Variants in TRAPPC9 observed in about 807,000 individuals in gnomAD.
The protein encoded by TRAPPC9 is IKK2 binding protein.
TRAPPC9 carries 83 observed loss-of-function variants against 124.0 expected under a neutral mutation model. That is an observed-to-expected ratio of 0.67 (90% CI 0.56 to 0.80). The LOEUF (loss-of-function observed/expected upper bound fraction) is 0.80, where lower values mean the gene tolerates loss of function less well. Ranked by LOEUF, TRAPPC9 falls within the 30% of genes least tolerant of loss-of-function variation. The pLI is 0.00. For synonymous variants in TRAPPC9, 638 were observed against 617.5 expected, an observed-to-expected ratio of 1.03 and a Z score of -0.49; for missense variants, 1,302 against 1,508.3, an observed-to-expected ratio of 0.86 and a Z score of 2.27.
intron 15 of TRAPPC9, among the ~76,000 whole-genome samples, chr8:140,267,474 G>A (rs557522464): frequency 1.5e-4 from 23 of 152,270 alleles, no homozygotes; most frequent in East Asian, 3.9e-4. Context: ...CTCACTATGC[G>A]GCAAGCATTG....
chr8:140,121,516 G>C (rs561772077), intron 17 of TRAPPC9, among the ~76,000 whole-genome samples: 1 of 152,222 alleles, frequency 6.6e-6, no homozygotes, highest in Non-Finnish European at 1.5e-5. Flanking sequence ...TGACCCAGGG[G>C]AGAAGTGGTG....
At chr8:140,083,905 T>C (rs1844015781) in intron 17 of TRAPPC9, among the ~76,000 whole-genome samples, 1 of 152,142 alleles carries the variant, frequency 6.6e-6, no homozygotes, top group Admixed American at 6.5e-5. Flanking sequence ...GACCTCGTGA[T>C]CCGCCCGTCT....
intron 19 of TRAPPC9, among the ~76,000 whole-genome samples, chr8:139,950,499 A>G (rs1220993768): frequency 6.6e-6 from 1 of 152,248 alleles, no homozygotes; most frequent in African/African-American, 2.4e-5. Context: ...GCTGTTGAAC[A>G]GACAGCATTA....
At chr8:140,244,235 C>G (rs961050866) in intron 16 of TRAPPC9, among the ~76,000 whole-genome samples, 3 of 152,210 alleles carry the variant, frequency 2.0e-5, no homozygotes, top group African/African-American at 7.2e-5. Context: ...GCCCCTGGTG[C>G]TGCTGTGTGA....
At chr8:140,348,059 A>G (rs936563322) in intron 9 of TRAPPC9, among the ~76,000 whole-genome samples, 1 of 152,258 alleles carries the variant, frequency 6.6e-6, no homozygotes, top group Admixed American at 6.5e-5. Flanking sequence ...GCATTCACTC[A>G]GATGACAACT....
At chr8:140,334,404 C>T (rs1171187294) in intron 9 of TRAPPC9, among the ~76,000 whole-genome samples, 2 of 151,816 alleles carry the variant, frequency 1.3e-5, no homozygotes, top group Non-Finnish European at 2.9e-5. Context: ...AATCCCAGCA[C>T]TTTGGGAGGC....
At chr8:140,203,353 C>A (rs1163233451) in intron 17 of TRAPPC9, among the ~76,000 whole-genome samples, 1 of 152,116 alleles carries the variant, frequency 6.6e-6, no homozygotes, top group Non-Finnish European at 1.5e-5. Flanking sequence ...TGTGAAATTT[C>A]TCTCCTTTCA....
intron 21 of TRAPPC9, among the ~76,000 whole-genome samples, chr8:139,772,123 C>G (rs370696468): frequency 1.3e-5 from 2 of 152,252 alleles, no homozygotes; most frequent in South Asian, 4.1e-4. Flanking sequence ...ACCTGCTTCT[C>G]ACATCACCTG....
chr8:140,281,800 G>A (rs1288249672), intron 14 of TRAPPC9, among the ~76,000 whole-genome samples: 1 of 152,062 alleles, frequency 6.6e-6, no homozygotes, highest in Non-Finnish European at 1.5e-5. Flanking sequence ...CCGGTTATAC[G>A]TCAGTGTCTC....
intron 9 of TRAPPC9, among the ~76,000 whole-genome samples, chr8:140,341,544 T>G (rs987495411): frequency 6.6e-6 from 1 of 152,206 alleles, no homozygotes; most frequent in African/African-American, 2.4e-5. Context: ...TTCTCTGGAA[T>G]GGATAGCTTC....
At chr8:139,891,101 A>G (rs1830318325) in intron 20 of TRAPPC9, among the ~76,000 whole-genome samples, 1 of 152,188 alleles carries the variant, frequency 6.6e-6, no homozygotes, top group Non-Finnish European at 1.5e-5. Flanking sequence ...TTAAGAACTC[A>G]TTGGCTGGGA....
At chr8:139,773,168 G>A (rs567128157) in intron 21 of TRAPPC9, among the ~76,000 whole-genome samples, 16 of 152,352 alleles carry the variant, frequency 1.1e-4, no homozygotes, top group Admixed American at 4.6e-4. Context: ...CTACCCAGCA[G>A]GTAGGGCTGT....
intron 2 of TRAPPC9, among the ~76,000 whole-genome samples, chr8:140,448,227 A>G (rs116258624): frequency 0.011 from 1,667 of 152,032 alleles, 33 homozygotes; most frequent in African/African-American, 0.036. Flanking sequence ...AGGAGGATGT[A>G]TTTGATTTGA....
At chr8:140,413,961 C>T (rs1017576201) in intron 5 of TRAPPC9, among the ~76,000 whole-genome samples, 5 of 151,918 alleles carry the variant, frequency 3.3e-5, no homozygotes, top group African/African-American at 1.2e-4. Flanking sequence ...AATAGTGCCG[C>T]AATAAACATA....
At chr8:140,044,016 T>C (rs1003297050) in intron 17 of TRAPPC9, among the ~76,000 whole-genome samples, 2 of 152,112 alleles carry the variant, frequency 1.3e-5, no homozygotes, top group African/African-American at 4.8e-5. Context: ...ATTCCTGCCG[T>C]ACCTGGCAGT....
rs138819153 is a variant in TRAPPC9, at chr8:140,300,595, G to A, written c.1642C>T (p.Leu548Phe). Residue 548 changes from leucine to phenylalanine, a missense_variant, in exon 11 of 23, where the codon CTT becomes TTT. Leu to Phe is a conservative substitution (Grantham distance 22, BLOSUM62 0). Coordinates refer to ENST00000438773, the MANE Select transcript of TRAPPC9 (RefSeq NM_001160372.4). Reference protein sequence around the residue: ...PIVRHVKLLNLPASLRPHKMK... With the variant: ...PIVRHVKLLNFPASLRPHKMK... ...TTGTGTGGCCGGAGGCTAGCAGGAA[G>A]GTTCAATAGTTTCACATGCCTGTTG... 6.2e-7 allele frequency: 1 copy of A among 1,614,192 alleles called. No individual in the cohort carries two copies. Among genetic ancestry groups the A allele is most frequent in the Non-Finnish European group, 8.5e-7 (1 of 1,180,048 alleles).
chr8:139,749,827 G>A (rs767793697), intron 21 of TRAPPC9, among the ~76,000 whole-genome samples: 3 of 152,212 alleles, frequency 2.0e-5, no homozygotes, highest in Non-Finnish European at 4.4e-5. Flanking sequence ...GAGGGGCAGG[G>A]CTGCCCAGTG....
At chr8:139,837,774 G>A (rs898961021) in intron 21 of TRAPPC9, among the ~76,000 whole-genome samples, 48 of 151,860 alleles carry the variant, frequency 3.2e-4, no homozygotes, top group African/African-American at 1.1e-3. Flanking sequence ...GGAGCCCCTC[G>A]GCCCTCCTCT....
intron 9 of TRAPPC9, among the ~76,000 whole-genome samples, chr8:140,350,185 T>C (rs906844828): frequency 1.3e-5 from 2 of 152,114 alleles, no homozygotes; most frequent in East Asian, 3.9e-4. Flanking sequence ...GCTCTGAAAA[T>C]AACATTTTCT....
Sources: allele counts gnomAD v4.1 joint callset (sites outside exome capture counted in the v4.1 genomes callset), GRCh38; gene constraint gnomAD v4.1.1; transcripts MANE v1.5; gene names NCBI Gene and HGNC (gene_info 2026-07-23, HGNC 2026-07-21).